The following ZNF75A variants were observed in gnomAD, a reference collection of about 807,000 sequenced individuals.
ZNF75A encodes zinc finger protein 75A.
Under a neutral mutation model 46.3 loss-of-function variants are expected in ZNF75A, and 36 were observed. The observed-to-expected ratio is 0.78, with a 90% CI of 0.60 to 1.03. ZNF75A has a LOEUF of 1.03. Among genes scored for constraint, ZNF75A ranks in the 50% least tolerant of loss-of-function variants. ZNF75A has a pLI of 0.00. For synonymous variants in ZNF75A, 234 were observed against 189.9 expected (o/e 1.23, Z -1.91); for missense variants, 595 against 551.3 (o/e 1.08, Z -0.79).
intron 1 of ZNF75A, chr16:3,306,349 C>G (rs561093841): frequency 6.6e-6 from 1 of 152,024 alleles, no homozygotes; most frequent in Non-Finnish European, 1.5e-5. Flanking sequence ...ATAAAATATC[C>G]TTTTTTACAA....
Position 3,318,265 on chromosome 16 carries a change from G to C in ZNF75A, c.*396G>C. The C allele has an allele frequency of 1.0e-6, 1 of 990,836 alleles. No individual in the cohort carries two copies. The highest frequency in any genetic ancestry group is 1.2e-6 in the Non-Finnish European group (1 of 833,902). 61.4% of individuals were successfully genotyped at this position (990,836 alleles called of 1,614,324 possible). A position where few individuals can be genotyped will look rare whatever the true frequency, so the allele number is the denominator to read the frequency against. On this transcript the variant is annotated 3_prime_UTR_variant, in exon 7 of 7. Transcript: ENST00000669516. The stretch of plus-strand genomic sequence containing the variant: ...TGTAAAGTGTTCCAGGAACCAAATT[G>C]GATTTTCTTTCTTTTGTCATTGGAC...
chr16:3,313,252 G>A, intron 5 of ZNF75A, 77 bp downstream of exon 5: 1 of 1,469,918 alleles, frequency 6.8e-7, no homozygotes, highest in Non-Finnish European at 9.3e-7. Context: ...AGTGAGGGGT[G>A]TCTTACTGTT....
At chr16:3,312,137 A>G (rs74003364) in intron 3 of ZNF75A, 189 bp downstream of exon 3, 9,508 of 156,082 alleles carry the variant, frequency 0.061, 1,016 homozygotes, top group African/African-American at 0.21. Context: ...GTAGGCCTAG[A>G]GAACAGAAAT....
In ZNF75A at chr16:3,317,691, C is replaced by G; in HGVS notation, c.1436C>G (p.Thr479Ser). The G allele has an allele frequency of 6.2e-7, 1 of 1,614,188 alleles. No individual in the cohort carries two copies. The change falls in exon 7 of 7, where the codon ACT (threonine) becomes AGT (serine). Residue 479 changes from threonine to serine, a missense_variant. By Grantham distance (58) the Thr-to-Ser change is moderately conservative. Transcript: ENST00000669516. ...ACAAATTTACATACACACCAAAGAA[C>G]TCATACAGGAGAAAAGCCCTTCACA... ...QNTNLHTHQRTHTGEKPFTCH... is the reference protein window; with the variant it reads ...QNTNLHTHQRSHTGEKPFTCH...
rs1451411797 is a variant in ZNF75A, at chr16:3,317,509, T to C, written c.1254T>C (p.Ile418=). Residue 418 remains isoleucine (I), a synonymous_variant, in exon 7 of 7, where the codon ATT becomes ATC. Transcript: ENST00000669516. ...GKTFRVSSDL[I]KHQRIHTEEK... Reference sequence around the variant, plus strand: ...CCTTCAGAGTTAGCTCTGACCTTATTAAGCACCAAAGAATTCACACTGAAG... The same window carrying C: ...CCTTCAGAGTTAGCTCTGACCTTATCAAGCACCAAAGAATTCACACTGAAG... 5 of 1,613,956 alleles carry C rather than the reference T, an allele frequency of 3.1e-6. No individual in the cohort carries two copies. The highest frequency in any genetic ancestry group is 3.4e-6 in the Non-Finnish European group (4 of 1,179,958).
intron 1 of ZNF75A, chr16:3,307,718 A>T (rs2150794954): frequency 6.8e-6 from 1 of 147,042 alleles, no homozygotes; most frequent in Middle Eastern, 3.4e-3. Flanking sequence ...TTTTGTAGAG[A>T]CGGGGTCTCG....
rs1397449002 is a variant in ZNF75A, at chr16:3,308,406, G to A, written c.-23G>A. 2.0e-6 allele frequency: 2 copies of A among 985,742 alleles called. No individual in the cohort carries two copies. The highest frequency in any genetic ancestry group is 2.4e-6 in the Non-Finnish European group (2 of 829,952). 61.1% of individuals were successfully genotyped at this position (985,742 alleles called of 1,614,324 possible). On this transcript the variant is annotated 5_prime_UTR_variant, in exon 2 of 7. Transcript: ENST00000669516. ...GGTACCAATTGGGTGTCTTAACACA[G>A]GAGCAGAACTTCCTAGAGCAGAATG...
At chr16:3,318,887 C>T, downstream of ZNF75A, 1 of 961,432 alleles carries the variant, frequency 1.0e-6, no homozygotes, top group Non-Finnish European at 1.2e-6. Flanking sequence ...AATCTACATC[C>T]ATGTTGTTCT....
downstream of ZNF75A, among the ~76,000 whole-genome samples, chr16:3,321,046 T>G (rs776370497): frequency 5.9e-5 from 9 of 151,826 alleles, no homozygotes; most frequent in Non-Finnish European, 1.0e-4. Flanking sequence ...ATTTGTGGGG[T>G]GGGGAGTGGA....
chr16:3,319,783 A>ATTTTTTTTTTTT (rs55767869), downstream of ZNF75A, among the ~76,000 whole-genome samples: 1 of 133,290 alleles, frequency 7.5e-6, no homozygotes. Flanking sequence ...GAAGCTTTTC[A>ATTTTTTTTTTTT]TTTTTTTTTT....
chr16:3,306,778 TGAG>T (rs745587861), intron 1 of ZNF75A: 1 of 152,234 alleles, frequency 6.6e-6, no homozygotes, highest in East Asian at 1.9e-4. Flanking sequence ...CAAAGAATGA[TGAG>T]CATCTTGTTG....
intron 1 of ZNF75A, chr16:3,307,787 C>G (rs1164924687): frequency 6.6e-6 from 1 of 151,788 alleles, no homozygotes; most frequent in Non-Finnish European, 1.5e-5. Flanking sequence ...ACCTCGGTCT[C>G]CAAAAGTGCT....
At chr16:3,314,476 C>G (rs1213975426) in intron 5 of ZNF75A, among the ~76,000 whole-genome samples, 2 of 152,208 alleles carry the variant, frequency 1.3e-5, no homozygotes, top group African/African-American at 2.4e-5. Context: ...AAGACCCACA[C>G]TGCCCAGCAT....
At chr16:3,310,386 T>C (rs960140931) in intron 2 of ZNF75A, among the ~76,000 whole-genome samples, 2 of 150,202 alleles carry the variant, frequency 1.3e-5, no homozygotes, top group Non-Finnish European at 3.0e-5. Flanking sequence ...TGAGCGAGAC[T>C]CCATGTGAAA....
At chr16:3,319,101 C>A (rs1555466123), downstream of ZNF75A, among the ~76,000 whole-genome samples, 1 of 152,012 alleles carries the variant, frequency 6.6e-6, no homozygotes, top group Non-Finnish European at 1.5e-5. Context: ...AATAACTGAC[C>A]TCTTCCAAAC....
At position 3,317,347 on chromosome 16, in the gene ZNF75A, A is replaced by G. The variant is rs534747025; in HGVS notation, c.1092A>G (p.Gly364=). 1.2e-6 allele frequency: 2 copies of G among 1,614,160 alleles called. No homozygotes were observed. The highest frequency in any genetic ancestry group is 3.3e-5 in the Admixed American group (2 of 60,028). ...KENHFDMHRV[G]KWHQDFPVKK... ...ATCATTTTGATATGCACAGAGTGGG[A>G]AAATGGCACCAAGATTTTCCAGTGA... The change falls in exon 7 of 7, where the codon GGA becomes GGG. Residue 364 remains glycine (G), a synonymous_variant. Coordinates refer to ENST00000669516, the MANE Select transcript of ZNF75A (RefSeq NM_001302109.2).
rs1050547283 is a variant in ZNF75A, at chr16:3,308,827, A to G, written c.399A>G (p.Thr133=). The G allele has an allele frequency of 6.1e-6, 6 of 985,794 alleles. No homozygotes were observed. In the African/African-American group the frequency reaches 1.0e-4, roughly 17 times the overall value. 61.1% of individuals were successfully genotyped at this position (985,794 alleles called of 1,614,324 possible). A position where few individuals can be genotyped will look rare whatever the true frequency, so the allele number is the denominator to read the frequency against. The change falls in exon 2 of 7, where the codon ACA becomes ACG. Residue 133 remains threonine, a synonymous_variant. Coordinates refer to ENST00000669516, the MANE Select transcript of ZNF75A (RefSeq NM_001302109.2). ...VEHLQRESGQ[T]WNGVAVHELG... The stretch of plus-strand genomic sequence containing the variant: ...ACTTGCAGAGGGAATCTGGTCAAAC[A>G]TGGAATGGGGTGAGAAGAAAGATTC...
rs17611866 is a variant in ZNF75A at position 3,317,229 on chromosome 16, T to C, written c.974T>C (p.Val325Ala). Residue 325 changes from valine to alanine, a missense_variant, in exon 7 of 7, where the codon GTG becomes GCG. Coordinates refer to ENST00000669516, the MANE Select transcript of ZNF75A (RefSeq NM_001302109.2). ...AACGACACTGAAAATCATCAGCCTG[T>C]GTCTCTTTCTGACTTAGAAATACAA... ...LKNDTENHQP[V>A]SLSDLEIQAS... The C allele has an allele frequency of 0.23, 370,281 of 1,613,236 alleles. 46,340 individuals are homozygous for C. Among genetic ancestry groups the C allele is most frequent in the Admixed American group, 0.32 (19,363 of 59,862 alleles).
chr16:3,322,689 C>A (rs979384094), downstream of ZNF75A, among the ~76,000 whole-genome samples: 2 of 152,204 alleles, frequency 1.3e-5, no homozygotes, highest in East Asian at 1.9e-4. Context: ...ATATGATGCA[C>A]CTTTTAGGAG....
Sources: gnomAD v4.1 joint callset for allele counts (sites outside exome capture counted in the v4.1 genomes callset) on GRCh38, gnomAD v4.1.1 for gene constraint, MANE v1.5 for transcripts, NCBI Gene and HGNC (gene_info 2026-07-23, HGNC 2026-07-21) for gene names.